The following MAGI1 variants were observed in gnomAD, a reference collection of about 807,000 sequenced individuals.
MAGI1 encodes the protein membrane-associated guanylate kinase, WW and PDZ domain-containing protein 1.
A neutral mutation model predicts 139.9 loss-of-function variants in MAGI1; 58 were observed. That is an observed-to-expected ratio of 0.41 (90% CI 0.34 to 0.52). The LOEUF (loss-of-function observed/expected upper bound fraction) is 0.52. MAGI1 is among the 20% of genes least tolerant of loss of function. The probability of loss-of-function intolerance (pLI) is 0.12; values close to 1 mark genes in which losing one functional copy is unlikely to be tolerated. For synonymous variants in MAGI1, 812 were observed against 737.9 expected, an observed-to-expected ratio of 1.10 and a Z score of -1.63; for missense variants, 1,874 against 1,901.6, an observed-to-expected ratio of 0.99 and a Z score of 0.27.
In MAGI1 at chr3:65,356,598, C is replaced by A. The variant is rs963332161; in HGVS notation, c.4169G>T (p.Gly1390Val). 3.1e-6 allele frequency: 5 copies of A among 1,594,796 alleles called. No individual in the cohort carries two copies. The highest frequency in any genetic ancestry group is 4.3e-6 in the Non-Finnish European group (5 of 1,171,282). Residue 1390 changes from glycine (G) to valine (V), a missense_variant, in exon 23 of 23, where the codon GGC becomes GTC. Coordinates refer to ENST00000402939, the MANE Select transcript of MAGI1 (RefSeq NM_001033057.2). Reference sequence around the variant, plus strand: ...GGACTTGGCCCTGCGCTCGGGCGAGCCCCCTCTCCTGCGCTCGGGGGACCT... The same window carrying A: ...GGACTTGGCCCTGCGCTCGGGCGAGACCCCTCTCCTGCGCTCGGGGGACCT... The part of the protein sequence containing the change: ...QRRSPERRRG[G>V]SPERRAKSTD...
At chr3:65,851,731 A>T (rs1163028124) in intron 1 of MAGI1, among the ~76,000 whole-genome samples, 2 of 152,220 alleles carry the variant, frequency 1.3e-5, no homozygotes, top group Non-Finnish European at 2.9e-5. Context: ...CCTGGGCAAC[A>T]GAGCAAGTCT....
chr3:65,722,654 G>C (rs2033170550), intron 1 of MAGI1, among the ~76,000 whole-genome samples: 1 of 150,508 alleles, frequency 6.6e-6, no homozygotes, highest in Non-Finnish European at 1.5e-5. Context: ...AATTACTTTG[G>C]ACTCATCTTC....
At chr3:65,658,296 C>T (rs1160906407) in intron 1 of MAGI1, among the ~76,000 whole-genome samples, 2 of 152,070 alleles carry the variant, frequency 1.3e-5, no homozygotes, top group Admixed American at 6.6e-5. Flanking sequence ...AATAAGGACG[C>T]GATGGACCAA....
chr3:65,495,758 A>G (rs1478980149), intron 2 of MAGI1, among the ~76,000 whole-genome samples: 1 of 152,144 alleles, frequency 6.6e-6, no homozygotes, highest in African/African-American at 2.4e-5. Context: ...GGGAAGCTAT[A>G]TTAGCTAGGT....
At chr3:65,783,479 C>G (rs1046555287) in intron 1 of MAGI1, among the ~76,000 whole-genome samples, 1 of 148,676 alleles carries the variant, frequency 6.7e-6, no homozygotes, top group Non-Finnish European at 1.5e-5. Flanking sequence ...GAGACTCTGT[C>G]TCCAGAAAGA....
At chr3:65,621,585 G>A (rs532280147) in intron 2 of MAGI1, among the ~76,000 whole-genome samples, 2 of 152,260 alleles carry the variant, frequency 1.3e-5, no homozygotes, top group African/African-American at 4.8e-5. Context: ...CGCTGGCCAG[G>A]TCTACTCCAT....
chr3:65,920,211 G>T (rs1366739447), intron 1 of MAGI1, among the ~76,000 whole-genome samples: 2 of 152,166 alleles, frequency 1.3e-5, no homozygotes, highest in Admixed American at 1.3e-4. Context: ...TCTATTTAAA[G>T]AGCTGGTTTC....
intron 18 of MAGI1, 37 bp downstream of exon 18, chr3:65,375,708 A>AGAG: frequency 7.3e-7 from 1 of 1,375,446 alleles, no homozygotes; most frequent in Non-Finnish European, 1.0e-6. Flanking sequence ...GAGAGAGAAA[A>AGAG]AGAGAGAGAG....
At chr3:65,489,763 C>T (rs540773729) in intron 3 of MAGI1, among the ~76,000 whole-genome samples, 1 of 152,226 alleles carries the variant, frequency 6.6e-6, no homozygotes, top group East Asian at 1.9e-4. Context: ...ATGTTGTGTA[C>T]ATATAAGTTT....
intron 1 of MAGI1, among the ~76,000 whole-genome samples, chr3:65,773,490 G>A (rs141560485): frequency 7.4e-4 from 112 of 152,252 alleles, no homozygotes; most frequent in African/African-American, 2.5e-3. Context: ...CTATGATGGG[G>A]CCACTGCACT....
intron 2 of MAGI1, among the ~76,000 whole-genome samples, chr3:65,529,075 A>G (rs891837044): frequency 2.6e-5 from 4 of 152,128 alleles, no homozygotes; most frequent in African/African-American, 7.2e-5. Context: ...ACAAAAAACA[A>G]AAACAAAATA....
intron 1 of MAGI1, among the ~76,000 whole-genome samples, chr3:65,696,173 T>C (rs527800377): frequency 1.2e-4 from 19 of 152,168 alleles, no homozygotes; most frequent in African/African-American, 4.6e-4. Context: ...ATCAGAAACA[T>C]CCCCCTTCCC....
intron 1 of MAGI1, among the ~76,000 whole-genome samples, chr3:65,933,776 TA>T (rs1455352622): frequency 6.6e-6 from 1 of 152,214 alleles, no homozygotes; most frequent in East Asian, 1.9e-4. Flanking sequence ...GAGCCTATTT[TA>T]TTAATTGTTT....
At chr3:65,901,899 C>T (rs1675445122) in intron 1 of MAGI1, among the ~76,000 whole-genome samples, 1 of 151,652 alleles carries the variant, frequency 6.6e-6, no homozygotes, top group South Asian at 2.1e-4. Context: ...GCAGAAAATA[C>T]TTACGAGGTT....
rs201532034 is a variant in MAGI1, at chr3:65,363,608, C to G, written c.3352G>C (p.Glu1118Gln). 1.6e-5 allele frequency: 26 copies of G among 1,612,298 alleles called. No individual in the cohort carries two copies. The highest frequency in any genetic ancestry group is 3.3e-4 in the Middle Eastern group (2 of 5,984). ...FEFKAPQATQ[E>Q]QDFYTVELER... Reference sequence around the variant, plus strand: ...AGTTCCACAGTGTAAAAATCTTGCTCCTATTTAAAGAAATTAAATGCAATC... The same window carrying G: ...AGTTCCACAGTGTAAAAATCTTGCTGCTATTTAAAGAAATTAAATGCAATC... The change falls in exon 21 of 23, where the codon GAG becomes CAG. Residue 1118 changes from glutamate (E) to glutamine (Q), a missense_variant and splice_region_variant. Physicochemically the swap from Glu to Gln is conservative, Grantham distance 29. This residue lies in a region of MAGI1 where 653 missense variants were observed against 644.5 expected (regional missense o/e 1.01). Coordinates refer to ENST00000402939, the MANE Select transcript of MAGI1 (RefSeq NM_001033057.2).
intron 1 of MAGI1, among the ~76,000 whole-genome samples, chr3:65,631,167 G>A (rs1311709381): frequency 6.6e-6 from 1 of 152,196 alleles, no homozygotes; most frequent in African/African-American, 2.4e-5. Context: ...GAGAAGAGAT[G>A]TAATTTAAAA....
At chr3:65,514,702 C>G (rs1237510328) in intron 2 of MAGI1, among the ~76,000 whole-genome samples, 1 of 145,352 alleles carries the variant, frequency 6.9e-6, no homozygotes, top group Non-Finnish European at 1.5e-5. Flanking sequence ...CACTTTTACA[C>G]TGTTGGTGGG....
chr3:65,670,466 T>C (rs1273494294), intron 1 of MAGI1, among the ~76,000 whole-genome samples: 1 of 152,070 alleles, frequency 6.6e-6, no homozygotes, highest in Non-Finnish European at 1.5e-5. Context: ...GTAGGTTTCA[T>C]GAAAATTTAG....
intron 1 of MAGI1, among the ~76,000 whole-genome samples, chr3:65,996,574 G>A (rs565535730): frequency 6.9e-6 from 1 of 145,068 alleles, no homozygotes; most frequent in African/African-American, 2.6e-5. Flanking sequence ...CCCACTTAAA[G>A]TTACCCTTCC....
Sources: allele counts gnomAD v4.1 joint callset (sites outside exome capture counted in the v4.1 genomes callset), GRCh38; gene constraint gnomAD v4.1.1; regional missense constraint gnomAD v4.1.1; transcripts MANE v1.5; gene names NCBI Gene and HGNC (gene_info 2026-07-23, HGNC 2026-07-21).